Variants in LRRIQ3 observed in about 807,000 individuals in gnomAD.
LRRIQ3 encodes the protein leucine-rich repeat and IQ domain-containing protein 3.
Under a neutral mutation model 59.3 loss-of-function variants are expected in LRRIQ3, and 75 were observed. The ratio of observed to expected loss-of-function variants is 1.26; its 90% CI spans 1.05 to 1.53. LRRIQ3 has a LOEUF of 1.53. LRRIQ3 is among the 40% of genes most tolerant of loss of function. The pLI is 0.00. For synonymous variants in LRRIQ3, 250 were observed against 231.3 expected (o/e 1.08, Z -0.73); for missense variants, 831 against 710.0 (o/e 1.17, Z -1.94).
At position 74,041,695 on chromosome 1, in the gene LRRIQ3, T is replaced by A; in HGVS notation, c.1236A>T (p.Arg412Ser). Reference protein sequence around the residue: ...RSMKEFFAPQRAGMKLRTFSD... With the variant: ...RSMKEFFAPQSAGMKLRTFSD... Reference sequence around the variant, plus strand: ...TAAATGTTCGGAGTTTCATACCAGCTCTTTGTGGTGCAAAAAACTCTTTCA... The same window carrying A: ...TAAATGTTCGGAGTTTCATACCAGCACTTTGTGGTGCAAAAAACTCTTTCA... The change falls in exon 7 of 8, where the codon AGA (arginine) becomes AGT (serine). Residue 412 changes from arginine (R) to serine (S), a missense_variant. Coordinates refer to ENST00000354431, the MANE Select transcript of LRRIQ3 (RefSeq NM_001105659.2). 6.2e-7 allele frequency: 1 copy of A among 1,613,670 alleles called. No individual in the cohort carries two copies. The highest frequency in any genetic ancestry group is 1.1e-5 in the South Asian group (1 of 91,042).
intron 4 of LRRIQ3, among the ~76,000 whole-genome samples, chr1:74,145,092 G>A (rs983903442): frequency 3.9e-5 from 6 of 151,958 alleles, no homozygotes; most frequent in Non-Finnish European, 8.8e-5. Flanking sequence ...TCCATTTTGG[G>A]TACCTCTACT....
intron 3 of LRRIQ3, among the ~76,000 whole-genome samples, chr1:74,169,924 A>G (rs531799264): frequency 2.0e-5 from 3 of 152,222 alleles, no homozygotes; most frequent in South Asian, 4.1e-4. Context: ...TAGTAGTGTT[A>G]TCTTTTCATA....
At chr1:74,145,511 T>C (rs1416781949) in intron 4 of LRRIQ3, among the ~76,000 whole-genome samples, 1 of 116,452 alleles carries the variant, frequency 8.6e-6, no homozygotes, top group African/African-American at 3.2e-5. Flanking sequence ...CTCTAGATAC[T>C]ACACAATCTA....
chr1:74,143,094 T>C (rs1480154584), intron 4 of LRRIQ3, among the ~76,000 whole-genome samples: 9 of 152,006 alleles, frequency 5.9e-5, no homozygotes, highest in African/African-American at 2.2e-4. Flanking sequence ...AGTCAAAATA[T>C]TTTGCAAAGT....
chr1:74,179,157 A>G (rs1557656193), intron 3 of LRRIQ3, among the ~76,000 whole-genome samples: 1 of 152,218 alleles, frequency 6.6e-6, no homozygotes, highest in South Asian at 2.1e-4. Flanking sequence ...AGTTACATAT[A>G]TACAACAATC....
chr1:74,167,309 C>T (rs1649047583), intron 3 of LRRIQ3, among the ~76,000 whole-genome samples: 1 of 151,508 alleles, frequency 6.6e-6, no homozygotes, highest in African/African-American at 2.4e-5. Context: ...TTTGCAGCAA[C>T]CTGGATGAAA....
rs1389615307 is a variant in LRRIQ3, at chr1:74,106,232, C to A, written c.867+3162G>T. Among the ~76,000 whole-genome samples, 9 of 152,124 alleles carry A rather than the reference C, an allele frequency of 5.9e-5. No individual in the cohort carries two copies. The East Asian group carries it at 9.7e-4, about 16-fold the overall frequency. ...GAAATTCACAACATATAGACTGATT[C>A]TTTTCTTTCCACATGGTTGAAGCAG... On this transcript the variant is annotated intron_variant, in intron 5 of 7. Coordinates refer to ENST00000354431, the MANE Select transcript of LRRIQ3 (RefSeq NM_001105659.2).
Position 74,041,910 on chromosome 1 carries a change from C to A in LRRIQ3, c.1021G>T (p.Val341Leu). ...AAACTGGTATCCAATTTTTCATCCA[C>A]AATTTCATCTTCAGACTCCTGACCT... ...QKGQESEDEI[V>L]DEKLDTSFRI... The change falls in exon 7 of 8, where the codon GTG (valine) becomes TTG (leucine). Residue 341 changes from valine (V) to leucine (L), a missense_variant. Val to Leu is a conservative substitution (Grantham distance 32). Transcript: ENST00000354431. 6.2e-7 allele frequency: 1 copy of A among 1,604,928 alleles called. No individual in the cohort carries two copies. The highest frequency in any genetic ancestry group is 8.5e-7 in the Non-Finnish European group (1 of 1,175,206).
At chr1:74,095,768 A>G (rs1446226391) in intron 5 of LRRIQ3, among the ~76,000 whole-genome samples, 3 of 152,108 alleles carry the variant, frequency 2.0e-5, no homozygotes, top group South Asian at 2.1e-4. Flanking sequence ...CTGCTAACTT[A>G]TAAGTTTATC....
At chr1:74,043,158 G>A (rs1654098833) in intron 6 of LRRIQ3, among the ~76,000 whole-genome samples, 2 of 152,172 alleles carry the variant, frequency 1.3e-5, no homozygotes, top group African/African-American at 2.4e-5. Flanking sequence ...AATGAATTCA[G>A]AATCAGGTGA....
intron 5 of LRRIQ3, among the ~76,000 whole-genome samples, chr1:74,098,536 G>A (rs988505480): frequency 6.6e-6 from 1 of 152,078 alleles, no homozygotes; most frequent in Admixed American, 6.6e-5. Flanking sequence ...ATTGAACTCA[G>A]CTCTGCACCA....
chr1:74,188,396 A>G (rs1459011000), intron 1 of LRRIQ3, among the ~76,000 whole-genome samples: 1 of 152,180 alleles, frequency 6.6e-6, no homozygotes, highest in African/African-American at 2.4e-5. Flanking sequence ...TCAAACCTGT[A>G]CATCTATCCC....
At chr1:74,180,912 CT>C in intron 3 of LRRIQ3, 2 of 910,552 alleles carry the variant, frequency 2.2e-6, no homozygotes, top group Non-Finnish European at 3.2e-6. Context: ...GCCTTACTTT[CT>C]TTTCTTTAGC....
chr1:74,099,697 G>T (rs2100538161), intron 5 of LRRIQ3, among the ~76,000 whole-genome samples: 1 of 152,202 alleles, frequency 6.6e-6, no homozygotes, highest in South Asian at 2.1e-4. Context: ...ACATCAAAAA[G>T]CTTATCCACC....
chr1:74,107,212 G>A (rs757517896), intron 5 of LRRIQ3, among the ~76,000 whole-genome samples: 10 of 152,032 alleles, frequency 6.6e-5, no homozygotes, highest in Admixed American at 2.6e-4. Context: ...TTCCCAAACA[G>A]GAGAAGATTC....
At chr1:74,046,407 G>A (rs761404153) in intron 6 of LRRIQ3, among the ~76,000 whole-genome samples, 18 of 152,140 alleles carry the variant, frequency 1.2e-4, no homozygotes, top group Non-Finnish European at 2.2e-4. Flanking sequence ...CTAGCCATAT[G>A]CTAGCTGAAA....
At chr1:74,039,634 T>G (rs1312612482) in intron 7 of LRRIQ3, among the ~76,000 whole-genome samples, 6 of 152,134 alleles carry the variant, frequency 3.9e-5, no homozygotes, top group African/African-American at 1.2e-4. Context: ...CCAATATTCA[T>G]CATTCTTAAA....
chr1:74,047,016 T>G (rs928068677), intron 6 of LRRIQ3, among the ~76,000 whole-genome samples: 3 of 152,160 alleles, frequency 2.0e-5, no homozygotes, highest in African/African-American at 7.2e-5. Flanking sequence ...TGTAAATTAG[T>G]TCAACCATTG....
intron 3 of LRRIQ3, chr1:74,180,653 C>T: frequency 2.0e-6 from 3 of 1,466,474 alleles, no homozygotes; most frequent in Middle Eastern, 1.8e-4. Flanking sequence ...ACTCAAATCT[C>T]TGCACTGTCT....
Sources: allele counts gnomAD v4.1 joint callset (sites outside exome capture counted in the v4.1 genomes callset), GRCh38; gene constraint gnomAD v4.1.1; transcripts MANE v1.5; gene names NCBI Gene and HGNC (gene_info 2026-07-23, HGNC 2026-07-21).